NRXN3: variants seen among roughly 807,000 people sequenced by gnomAD.
The protein encoded by NRXN3 is neurexin III.
NRXN3 carries 32 observed loss-of-function variants against 137.6 expected under a neutral mutation model. That is an observed-to-expected ratio of 0.23 (90% CI 0.18 to 0.31). The LOEUF (loss-of-function observed/expected upper bound fraction) is 0.31, where lower values mean the gene tolerates loss of function less well. NRXN3 is among the 10% of genes least tolerant of loss of function. The pLI, the probability that NRXN3 is intolerant of heterozygous loss-of-function variation, is 1.00. For missense variants in NRXN3, 1,574 were observed against 2,062.5 expected (o/e 0.76, Z 4.59); for synonymous variants, 798 against 784.5 (o/e 1.02, Z -0.29).
intron 15 of NRXN3, among the ~76,000 whole-genome samples, chr14:79,083,012 T>G (rs1188301837): frequency 6.6e-6 from 1 of 152,186 alleles, no homozygotes; most frequent in Non-Finnish European, 1.5e-5. Context: ...GGAAGAGACA[T>G]TGATACAACA....
intron 10 of NRXN3, among the ~76,000 whole-genome samples, chr14:78,931,042 A>G (rs772994880): frequency 2.6e-5 from 4 of 152,204 alleles, no homozygotes; most frequent in Non-Finnish European, 4.4e-5. Context: ...ATGTTTTCCT[A>G]AGCAAAATGA....
chr14:79,468,828 G>T (rs900413630), intron 16 of NRXN3, among the ~76,000 whole-genome samples: 5 of 152,214 alleles, frequency 3.3e-5, no homozygotes, highest in Non-Finnish European at 7.3e-5. Context: ...GGTTAGAGAT[G>T]ATCACCTTCA....
intron 15 of NRXN3, among the ~76,000 whole-genome samples, chr14:79,399,045 A>T (rs35861800): frequency 4.1e-5 from 6 of 146,736 alleles, no homozygotes; most frequent in Admixed American, 6.9e-5. Flanking sequence ...AAAAAAAAAA[A>T]GCTGGGAGTT....
At chr14:78,759,170 G>A (rs1289924138) in intron 8 of NRXN3, among the ~76,000 whole-genome samples, 1 of 152,140 alleles carries the variant, frequency 6.6e-6, no homozygotes, top group East Asian at 1.9e-4. Context: ...GTTACTAACT[G>A]GGAAGACTGA....
chr14:78,788,176 C>A (rs2098794711), intron 8 of NRXN3, among the ~76,000 whole-genome samples: 1 of 152,118 alleles, frequency 6.6e-6, no homozygotes, highest in Non-Finnish European at 1.5e-5. Context: ...GTGCTACCTG[C>A]AACATGGAAG....
chr14:78,508,759 A>G (rs910662738), intron 4 of NRXN3, among the ~76,000 whole-genome samples: 40 of 152,316 alleles, frequency 2.6e-4, no homozygotes, highest in African/African-American at 9.1e-4. Context: ...TGAATCCTTC[A>G]AGCAAATTGA....
At chr14:79,252,784 T>C (rs2076107781) in intron 15 of NRXN3, among the ~76,000 whole-genome samples, 1 of 152,178 alleles carries the variant, frequency 6.6e-6, no homozygotes, top group South Asian at 2.1e-4. Context: ...CACTCACTTG[T>C]GGAGCTAGAA....
chr14:79,453,596 T>C (rs529351415), intron 15 of NRXN3, among the ~76,000 whole-genome samples: 1 of 152,326 alleles, frequency 6.6e-6, no homozygotes, highest in Admixed American at 6.5e-5. Flanking sequence ...TCTATGATGA[T>C]ACAGTAGCAC....
intron 15 of NRXN3, among the ~76,000 whole-genome samples, chr14:79,186,264 G>C (rs1454933138): frequency 6.6e-6 from 1 of 151,952 alleles, no homozygotes; most frequent in African/African-American, 2.4e-5. Context: ...AAAAAAAGGT[G>C]TTTCTTACTT....
intron 4 of NRXN3, among the ~76,000 whole-genome samples, chr14:78,580,988 T>C (rs899874400): frequency 7.2e-5 from 11 of 152,344 alleles, no homozygotes; most frequent in Admixed American, 2.6e-4. Flanking sequence ...ACAAGAATCA[T>C]GGCTAACATT....
chr14:79,420,621 G>A (rs920079498), intron 15 of NRXN3, among the ~76,000 whole-genome samples: 2 of 152,126 alleles, frequency 1.3e-5, no homozygotes, highest in African/African-American at 4.8e-5. Context: ...TCCCTCCCAT[G>A]ACATGTCTGT....
intron 4 of NRXN3, among the ~76,000 whole-genome samples, chr14:78,310,276 T>G (rs2153542168): frequency 6.6e-6 from 1 of 150,800 alleles, no homozygotes; most frequent in South Asian, 2.1e-4. Flanking sequence ...TTTTTTTTTT[T>G]TTTTTTCCAG....
intron 4 of NRXN3, among the ~76,000 whole-genome samples, chr14:78,620,062 A>G (rs889355920): frequency 6.6e-6 from 1 of 152,182 alleles, no homozygotes; most frequent in Admixed American, 6.5e-5. Context: ...TTGTTACAGC[A>G]GCCCAAACTG....
intron 4 of NRXN3, among the ~76,000 whole-genome samples, chr14:78,422,531 CT>C (rs1395918653): frequency 6.6e-6 from 1 of 152,142 alleles, no homozygotes; most frequent in Non-Finnish European, 1.5e-5. Context: ...AGAGAAAGCT[CT>C]TAGCAGAGTC....
chr14:79,280,562 T>G, intron 15 of NRXN3: 1 of 1,598,134 alleles, frequency 6.3e-7, no homozygotes. Flanking sequence ...CTCTTTATCC[T>G]TTTAATGGGG....
chr14:78,207,603 G>A (rs1171917601), intron 1 of NRXN3, among the ~76,000 whole-genome samples: 1 of 152,170 alleles, frequency 6.6e-6, no homozygotes, highest in Admixed American at 6.5e-5. Context: ...CCAAGTCTGC[G>A]TGTCATCATT....
chr14:79,579,492 T>C (rs568782606), intron 16 of NRXN3, among the ~76,000 whole-genome samples: 178 of 151,826 alleles, frequency 1.2e-3, no homozygotes, highest in Non-Finnish European at 2.3e-3. Context: ...ATGGGACTGA[T>C]AATATAACCA....
chr14:78,758,088 C>G (rs2098677084), intron 8 of NRXN3, among the ~76,000 whole-genome samples: 1 of 152,112 alleles, frequency 6.6e-6, no homozygotes, highest in South Asian at 2.1e-4. Context: ...ATGAAGTTAT[C>G]TTTTGTGGAT....
At chr14:79,806,963 T>TATATATATATATATATA (rs59533138) in intron 20 of NRXN3, among the ~76,000 whole-genome samples, 6 of 19,624 alleles carry the variant, frequency 3.1e-4, no homozygotes, top group African/African-American at 1.1e-3. Context: ...TATATATATA[T>TATATATATATATATATA]TTTTTTTTTT....
Sources: gnomAD v4.1 joint callset for allele counts (sites outside exome capture counted in the v4.1 genomes callset) on GRCh38, gnomAD v4.1.1 for gene constraint, MANE v1.5 for transcripts, NCBI Gene and HGNC (gene_info 2026-07-23, HGNC 2026-07-21) for gene names.